Variants in FAM171B observed in about 807,000 individuals in gnomAD.
The protein encoded by FAM171B is protein FAM171B.
Under a neutral mutation model 75.6 loss-of-function variants are expected in FAM171B, and 19 were observed. That is an observed-to-expected ratio of 0.25 (90% CI 0.18 to 0.37). FAM171B has a LOEUF of 0.37. Among genes scored for constraint, FAM171B ranks in the 10% least tolerant of loss-of-function variants. FAM171B has a pLI of 1.00. For synonymous variants in FAM171B, 367 were observed against 361.7 expected (o/e 1.01, Z -0.17); for missense variants, 848 against 982.4 (o/e 0.86, Z 1.83).
chr2:186,705,714 A>T (rs910046776), intron 1 of FAM171B, among the ~76,000 whole-genome samples: 7 of 152,282 alleles, frequency 4.6e-5, no homozygotes, highest in Non-Finnish European at 8.8e-5. Flanking sequence ...TTGTGCAGAT[A>T]TGATGGGTAA....
rs1559095074 is a variant in FAM171B at position 186,762,615 on chromosome 2, C to A, written c.2273C>A (p.Pro758Gln). 3 of 1,613,332 alleles carry A rather than the reference C, an allele frequency of 1.9e-6. No homozygotes were observed. The highest frequency in any genetic ancestry group is 8.5e-7 in the Non-Finnish European group (1 of 1,179,658). Residue 758 changes from proline to glutamine, a missense_variant, in exon 8 of 8, where the codon CCA (proline) becomes CAA (glutamine). This residue lies in a region of FAM171B where 136 missense variants were observed against 159.3 expected (regional missense o/e 0.85). Transcript: ENST00000304698. The surrounding 1 kb of genome is among the most constrained non-coding windows in gnomAD (Gnocchi z 4.0). ...ACCACCGTCTGTTCCCCTGAGGACC[C>A]AGCTTTAAGGCACATCCTAGATGGA... ...SGTTVCSPEDPALRHILDGGS... is the reference protein window; with the variant it reads ...SGTTVCSPEDQALRHILDGGS...
In FAM171B at chr2:186,762,457, G is replaced by T. The variant is rs752764023; in HGVS notation, c.2115G>T (p.Leu705=). ...GKRTQSNDTS[L]DSGVDMNELH... ...GAACCCAGAGCAATGACACCAGTCTGGACTCTGGGGTGGACATGAATGAGC... is the reference window on the plus strand; with the variant it reads ...GAACCCAGAGCAATGACACCAGTCTTGACTCTGGGGTGGACATGAATGAGC... Residue 705 remains leucine, a synonymous_variant, in exon 8 of 8, where the codon CTG becomes CTT. Transcript: ENST00000304698. This position sits in a 1 kb window ranked among gnomAD's most constrained non-coding sequence, Gnocchi z 4.0. The T allele has an allele frequency of 3.7e-6, 6 of 1,613,478 alleles. No individual in the cohort carries two copies. The highest frequency in any genetic ancestry group is 4.2e-6 in the Non-Finnish European group (5 of 1,179,806).
At chr2:186,758,714 T>C (rs576190968) in intron 6 of FAM171B, among the ~76,000 whole-genome samples, 5 of 152,102 alleles carry the variant, frequency 3.3e-5, no homozygotes, top group Non-Finnish European at 5.9e-5. Flanking sequence ...GATAGGTGTT[T>C]ATATTTCTGG....
intron 3 of FAM171B, among the ~76,000 whole-genome samples, chr2:186,745,226 G>T (rs1574109865): frequency 6.6e-6 from 1 of 152,290 alleles, no homozygotes; most frequent in African/African-American, 2.4e-5. Context: ...ATACAGAGAG[G>T]CTCTGTTTAA....
At chr2:186,704,039 A>G (rs1481511584) in intron 1 of FAM171B, among the ~76,000 whole-genome samples, 2 of 152,162 alleles carry the variant, frequency 1.3e-5, no homozygotes, top group African/African-American at 4.8e-5. Flanking sequence ...AAACCCATTT[A>G]CTTATTTATA....
At chr2:186,758,345 C>T (rs1473856895) in intron 6 of FAM171B, among the ~76,000 whole-genome samples, 1 of 152,166 alleles carries the variant, frequency 6.6e-6, no homozygotes, top group Non-Finnish European at 1.5e-5. Context: ...ACATGCATAA[C>T]TGCAATACTG....
intron 1 of FAM171B, among the ~76,000 whole-genome samples, chr2:186,696,304 T>C (rs1192786585): frequency 6.6e-6 from 1 of 151,918 alleles, no homozygotes; most frequent in Non-Finnish European, 1.5e-5. Context: ...GTTTTAGTTA[T>C]TGGAATATTG....
intron 1 of FAM171B, among the ~76,000 whole-genome samples, chr2:186,731,043 T>C (rs1690106280): frequency 6.6e-6 from 1 of 152,242 alleles, no homozygotes; most frequent in African/African-American, 2.4e-5. Flanking sequence ...GAGATCCTAA[T>C]TCCCTTATGA....
chr2:186,711,302 C>T (rs1021013832), intron 1 of FAM171B, among the ~76,000 whole-genome samples: 1 of 152,186 alleles, frequency 6.6e-6, no homozygotes, highest in Non-Finnish European at 1.5e-5. Context: ...TTCCTACCAA[C>T]CTGGGGTCAT....
chr2:186,716,481 TCTTCA>T (rs1175403799), intron 1 of FAM171B, among the ~76,000 whole-genome samples: 1 of 152,256 alleles, frequency 6.6e-6, no homozygotes, highest in Non-Finnish European at 1.5e-5. Context: ...ATTGCAGTTT[TCTTCA>T]CTTAACATCA....
intron 1 of FAM171B, among the ~76,000 whole-genome samples, chr2:186,712,057 T>C (rs1434168690): frequency 6.6e-6 from 1 of 152,206 alleles, no homozygotes; most frequent in East Asian, 1.9e-4. Context: ...GAATGCCTTG[T>C]GCTCAGTAAG....
intron 1 of FAM171B, among the ~76,000 whole-genome samples, chr2:186,709,304 C>T (rs962549321): frequency 6.6e-6 from 1 of 152,114 alleles, no homozygotes; most frequent in Admixed American, 6.5e-5. Flanking sequence ...CCAGTAGTCT[C>T]TAGAATTTTA....
rs555281778 is a variant in FAM171B at position 186,709,117 on chromosome 2, G to A, written c.238+14706G>A. Among the ~76,000 whole-genome samples, 41 of 152,080 alleles carry A rather than the reference G, an allele frequency of 2.7e-4. 1 individual carries two copies. The highest frequency in any genetic ancestry group is 3.9e-4 in the African/African-American group (16 of 41,490). On this transcript the variant is annotated intron_variant, in intron 1 of 7. Transcript: ENST00000304698. ...CGAGAGAGAGAGAGTGGGAGGTGCC[G>A]CTTTTAAACGACCAGATCTTGTGAG...
At chr2:186,729,032 A>G (rs2105781654) in intron 1 of FAM171B, among the ~76,000 whole-genome samples, 1 of 152,296 alleles carries the variant, frequency 6.6e-6, no homozygotes, top group East Asian at 1.9e-4. Flanking sequence ...TTTCTAGAAT[A>G]TTCCTTTATA....
intron 1 of FAM171B, among the ~76,000 whole-genome samples, chr2:186,703,649 C>T (rs1457863665): frequency 1.3e-5 from 2 of 152,148 alleles, no homozygotes; most frequent in Non-Finnish European, 2.9e-5. Flanking sequence ...TGACCCATTC[C>T]ACTCTTGCCT....
Position 186,754,122 on chromosome 2 carries a change from C to G in FAM171B, c.1012+73C>G, listed in dbSNP as rs539944333. 19 of 1,107,160 alleles carry G rather than the reference C, an allele frequency of 1.7e-5. No homozygotes were observed. In the African/African-American group the frequency reaches 2.1e-4, roughly 12 times the overall value. 68.6% of individuals were successfully genotyped at this position (1,107,160 alleles called of 1,614,324 possible). On this transcript the variant is annotated intron_variant, in intron 6 of 7. Transcript: ENST00000304698. ...TGCTGGAACGGATAGCAGCAGACCT[C>G]AGTTTTATTCTAAGCACTGCCACTT...
At chr2:186,708,686 A>G (rs1689768245) in intron 1 of FAM171B, among the ~76,000 whole-genome samples, 1 of 152,216 alleles carries the variant, frequency 6.6e-6, no homozygotes, top group Non-Finnish European at 1.5e-5. Flanking sequence ...TGTGGCAATA[A>G]TAAAGTGGCA....
At chr2:186,703,548 A>T (rs1689692917) in intron 1 of FAM171B, among the ~76,000 whole-genome samples, 1 of 152,216 alleles carries the variant, frequency 6.6e-6, no homozygotes, top group South Asian at 2.1e-4. Flanking sequence ...ACATGACACA[A>T]ACAGAAACAG....
Position 186,753,905 on chromosome 2 carries a change from AACAAGTATTTTTTACATAC to A in FAM171B, c.896-27_896-9del. 1.3e-6 allele frequency: 2 copies of A among 1,557,804 alleles called. No individual in the cohort carries two copies. The highest frequency in any genetic ancestry group is 1.8e-6 in the Non-Finnish European group (2 of 1,129,316). ...CCATCAGTTCTTAAGATATAACTGT[AACAAGTATTTTTTACATAC>A]CTTTTTAGGTGCTTGGGTAAATCAT... is the stretch of plus-strand genomic sequence containing the variant. On this transcript the variant is annotated splice_polypyrimidine_tract_variant and intron_variant, in intron 5 of 7. Coordinates refer to ENST00000304698, the MANE Select transcript of FAM171B (RefSeq NM_177454.4).
Sources: allele counts gnomAD v4.1 joint callset (sites outside exome capture counted in the v4.1 genomes callset), GRCh38; gene constraint gnomAD v4.1.1; regional missense constraint gnomAD v4.1.1; non-coding constraint Gnocchi (gnomAD v3.1); transcripts MANE v1.5; gene names NCBI Gene and HGNC (gene_info 2026-07-23, HGNC 2026-07-21).